CD6: variants seen among roughly 807,000 people sequenced by gnomAD.
CD6 encodes the protein T-cell differentiation antigen CD6.
In CD6, 53 loss-of-function variants were observed where a neutral mutation model predicts 75.3. The observed-to-expected ratio is 0.70, with a 90% CI of 0.56 to 0.88. The LOEUF (loss-of-function observed/expected upper bound fraction) is 0.88. CD6 is among the 40% of genes least tolerant of loss of function. The pLI, the probability that CD6 is intolerant of heterozygous loss-of-function variation, is 0.00. For missense variants in CD6, 770 were observed against 897.1 expected (o/e 0.86, Z 1.81); for synonymous variants, 359 against 381.5 (o/e 0.94, Z 0.69).
At chr11:60,998,573 G>A (rs980705287) in intron 1 of CD6, among the ~76,000 whole-genome samples, 2 of 152,082 alleles carry the variant, frequency 1.3e-5, no homozygotes, top group African/African-American at 2.4e-5. Flanking sequence ...TGACATTGCC[G>A]AGAAGAGACA....
At chr11:61,002,503 G>C (rs1438769678) in intron 1 of CD6, among the ~76,000 whole-genome samples, 2 of 152,034 alleles carry the variant, frequency 1.3e-5, no homozygotes, top group Non-Finnish European at 2.9e-5. Flanking sequence ...GTTGCAATGA[G>C]CCGAGATCAC....
At chr11:61,008,073 C>A (rs1180718275) in intron 3 of CD6, among the ~76,000 whole-genome samples, 163 bp downstream of exon 3, 61 of 152,236 alleles carry the variant, frequency 4.0e-4, no homozygotes, top group Non-Finnish European at 7.4e-5. Flanking sequence ...AGGACGACCT[C>A]GAGTCATTTC....
chr11:61,001,741 T>C (rs1858595853), intron 1 of CD6, among the ~76,000 whole-genome samples: 1 of 152,206 alleles, frequency 6.6e-6, no homozygotes, highest in South Asian at 2.1e-4. Context: ...TCCATGGCTG[T>C]GACTGTGTCC....
Position 61,019,672 on chromosome 11 carries a change from A to C in CD6, c.*354A>C. 4.1e-6 allele frequency: 1 copy of C among 244,694 alleles called. No individual in the cohort carries two copies. Among genetic ancestry groups the C allele is most frequent in the Admixed American group, 5.5e-5 (1 of 18,334 alleles). 15.2% of individuals were successfully genotyped at this position (244,694 alleles called of 1,614,324 possible). A position where few individuals can be genotyped will look rare whatever the true frequency, so the allele number is the denominator to read the frequency against. ...GGATGACTCTGGAGGCCCCTTCCAAACCTCAAGTGTCCGGCGCTTTGATTG... is the reference window on the plus strand; with the variant it reads ...GGATGACTCTGGAGGCCCCTTCCAACCCTCAAGTGTCCGGCGCTTTGATTG... On this transcript the variant is annotated 3_prime_UTR_variant, in exon 13 of 13. Transcript: ENST00000313421.
chr11:60,983,251 C>T (rs1051832795), intron 1 of CD6, among the ~76,000 whole-genome samples: 2 of 151,938 alleles, frequency 1.3e-5, no homozygotes, highest in African/African-American at 4.8e-5. Flanking sequence ...CCCGCACCAC[C>T]ACGCTAGTTT....
At chr11:61,006,867 A>G (rs1015730503) in intron 2 of CD6, among the ~76,000 whole-genome samples, 1 of 152,168 alleles carries the variant, frequency 6.6e-6, no homozygotes, top group African/African-American at 2.4e-5. Flanking sequence ...GTGGGCAGGT[A>G]TGCCTGGAGC....
At chr11:60,999,238 T>C (rs1858459620) in intron 1 of CD6, among the ~76,000 whole-genome samples, 1 of 151,894 alleles carries the variant, frequency 6.6e-6, no homozygotes, top group Non-Finnish European at 1.5e-5. Flanking sequence ...ATAGTAGAGA[T>C]TAAATTTAAT....
At chr11:60,978,781 A>G (rs1290876082) in intron 1 of CD6, among the ~76,000 whole-genome samples, 1 of 152,204 alleles carries the variant, frequency 6.6e-6, no homozygotes, top group Admixed American at 6.5e-5. Flanking sequence ...TCTGAATTGC[A>G]TCTCTGCATG....
At chr11:60,994,088 G>T (rs1348586737) in intron 1 of CD6, among the ~76,000 whole-genome samples, 1 of 152,172 alleles carries the variant, frequency 6.6e-6, no homozygotes, top group South Asian at 2.1e-4. Context: ...ATGCATGGAA[G>T]GTATCACACA....
At chr11:61,005,802 A>G (rs1424639484) in intron 1 of CD6, among the ~76,000 whole-genome samples, 2 of 152,110 alleles carry the variant, frequency 1.3e-5, no homozygotes, top group East Asian at 3.9e-4. Flanking sequence ...GTGGTGGCGC[A>G]TGCCTGTAAT....
rs373090068 is a variant in CD6, at chr11:60,976,366, C to T, written c.49+4452C>T. On this transcript the variant is annotated intron_variant, in intron 1 of 12. Transcript: ENST00000313421. ...TTGTCAAATTCTCTTAAATTTTCTACTTCAAAATTGAACCTAAGTCAATTA... is the reference window on the plus strand; with the variant it reads ...TTGTCAAATTCTCTTAAATTTTCTATTTCAAAATTGAACCTAAGTCAATTA... Among the ~76,000 whole-genome samples the T allele has an allele frequency of 2.6e-5, 4 of 152,194 alleles. No individual in the cohort carries two copies. In the South Asian group the frequency reaches 6.2e-4, roughly 24 times the overall value.
At chr11:61,009,272 G>A (rs1383244331) in intron 4 of CD6, among the ~76,000 whole-genome samples, 1 of 152,198 alleles carries the variant, frequency 6.6e-6, no homozygotes, top group Non-Finnish European at 1.5e-5. Context: ...AGATGGGGGA[G>A]GTGGGGGTGT....
chr11:60,982,908 A>G lies in CD6; in HGVS notation c.49+10994A>G. The G allele has an allele frequency of 8.0e-6, 3 of 373,420 alleles. No individual in the cohort carries two copies. In the East Asian group the frequency reaches 2.2e-4, roughly 27 times the overall value. 23.1% of individuals were successfully genotyped at this position (373,420 alleles called of 1,614,324 possible). A position where few individuals can be genotyped will look rare whatever the true frequency, so the allele number is the denominator to read the frequency against. ...GCCTGTGTGAACCAGGCACAGGCTT[A>G]ACTAACTCCCCACCCCCACCCCTAG... On this transcript the variant is annotated intron_variant, in intron 1 of 12. Transcript: ENST00000313421.
Position 61,007,978 on chromosome 11 carries a change from G to A in CD6, c.469+68G>A, listed in dbSNP as rs1325724433. ...CCCAGGCCTTCAGCCACTGCCCCTG[G>A]CTCCAGACCCTGGACGCAAGCCTCG... On this transcript the variant is annotated intron_variant, in intron 3 of 12. Transcript: ENST00000313421. The surrounding 1 kb of genome is among the most constrained non-coding windows in gnomAD (Gnocchi z 4.2). 26 of 1,072,250 alleles carry A rather than the reference G, an allele frequency of 2.4e-5. No individual in the cohort carries two copies. Among genetic ancestry groups the A allele is most frequent in the Non-Finnish European group, 3.0e-5 (25 of 823,894 alleles). 66.4% of individuals were successfully genotyped at this position (1,072,250 alleles called of 1,614,324 possible). A position where few individuals can be genotyped will look rare whatever the true frequency, so the allele number is the denominator to read the frequency against.
intron 5 of CD6, 48 bp downstream of exon 5, chr11:61,009,922 T>G (rs2135176531): frequency 6.6e-7 from 1 of 1,504,090 alleles, no homozygotes; most frequent in Middle Eastern, 1.8e-4. Flanking sequence ...GAATTCTACC[T>G]GAATCCATGT....
At chr11:61,008,026 C>A (rs1209184375) in intron 3 of CD6, 116 bp downstream of exon 3, 1 of 614,898 alleles carries the variant, frequency 1.6e-6, no homozygotes, top group Non-Finnish European at 2.4e-6. Context: ...CCACCCCCAC[C>A]GCCTACCAGT....
intron 1 of CD6, among the ~76,000 whole-genome samples, chr11:60,979,008 G>A (rs958065263): frequency 6.6e-6 from 1 of 152,242 alleles, no homozygotes; most frequent in African/African-American, 2.4e-5. Context: ...TGCACAATGA[G>A]CTCCATCACC....
chr11:60,973,540 A>G (rs780346907), intron 1 of CD6, among the ~76,000 whole-genome samples: 64 of 152,326 alleles, frequency 4.2e-4, no homozygotes, highest in Non-Finnish European at 7.6e-4. Context: ...GAAAATCAAT[A>G]TCATTTGCCA....
intron 5 of CD6, among the ~76,000 whole-genome samples, chr11:61,010,160 G>A (rs1859077363): frequency 6.6e-6 from 1 of 152,176 alleles, no homozygotes; most frequent in African/African-American, 2.4e-5. Context: ...ACACCAATTT[G>A]CCATCCCAGG....
Sources: allele counts gnomAD v4.1 joint callset (sites outside exome capture counted in the v4.1 genomes callset), GRCh38; gene constraint gnomAD v4.1.1; non-coding constraint Gnocchi (gnomAD v3.1); transcripts MANE v1.5; gene names NCBI Gene and HGNC (gene_info 2026-07-23, HGNC 2026-07-21).